The following UBXN7 variants were observed in gnomAD, a reference collection of about 807,000 sequenced individuals.
The protein encoded by UBXN7 is UBX domain-containing protein 7.
A neutral mutation model predicts 58.0 loss-of-function variants in UBXN7; 9 were observed. The ratio of observed to expected loss-of-function variants is 0.16; its 90% CI spans 0.09 to 0.27. UBXN7 has a LOEUF of 0.27. Among genes scored for constraint, UBXN7 ranks in the 10% least tolerant of loss-of-function variants. UBXN7 has a pLI of 1.00. For missense variants in UBXN7, 328 were observed against 599.6 expected, an observed-to-expected ratio of 0.55 and a Z score of 4.73; for synonymous variants, 208 against 205.0, an observed-to-expected ratio of 1.01 and a Z score of -0.12.
At chr3:196,432,302 A>G in intron 1 of UBXN7, 25 bp downstream of exon 1, 1 of 1,612,724 alleles carries the variant, frequency 6.2e-7, no homozygotes, top group Non-Finnish European at 8.5e-7. Context: ...CCCACTCTCC[A>G]CCTTCCGGTA....
intron 3 of UBXN7, among the ~76,000 whole-genome samples, chr3:196,395,228 C>T (rs1442255007): frequency 6.6e-6 from 1 of 152,134 alleles, no homozygotes; most frequent in Non-Finnish European, 1.5e-5. Context: ...CCCAATAACT[C>T]GTGTTTGTGA....
At position 196,350,208 on chromosome 3, in the gene UBXN7, C is replaced by T. The variant is rs1728179190; in HGVS notation, c.*6477G>A. On this transcript the variant is annotated 3_prime_UTR_variant, in exon 11 of 11. Transcript: ENST00000296328. The stretch of plus-strand genomic sequence containing the variant: ...TTAAAGTAGTTCAAATTGGATTGCC[C>T]AACTTTATTTTGAAATCAATAGCAA... 6.6e-6 allele frequency: 1 copy of T among 152,048 alleles called. No homozygotes were observed. The highest frequency in any genetic ancestry group is 1.5e-5 in the Non-Finnish European group (1 of 68,006). The allele number at this position is 152,048 out of a possible 1,614,324, so 9.4% of individuals were successfully genotyped here. A position where few individuals can be genotyped will look rare whatever the true frequency, so the allele number is the denominator to read the frequency against.
At position 196,351,821 on chromosome 3, in the gene UBXN7, A is replaced by C. The variant is rs1261487216; in HGVS notation, c.*4864T>G. On this transcript the variant is annotated 3_prime_UTR_variant, in exon 11 of 11. Transcript: ENST00000296328. ...CATTGGATTTGTACCTGGGTAGAGA[A>C]ATTAAATCTTTCCTTCATTTTTCGG... 1.3e-5 allele frequency: 2 copies of C among 152,194 alleles called. No individual in the cohort carries two copies. Among genetic ancestry groups the C allele is most frequent in the Non-Finnish European group, 2.9e-5 (2 of 68,034 alleles). The allele number at this position is 152,194 out of a possible 1,614,324, so 9.4% of individuals were successfully genotyped here.
At chr3:196,429,400 A>G (rs188940933) in intron 1 of UBXN7, among the ~76,000 whole-genome samples, 20 of 152,264 alleles carry the variant, frequency 1.3e-4, no homozygotes, top group African/African-American at 4.6e-4. Flanking sequence ...TCAGTAAGAA[A>G]TAAGACTTTT....
In UBXN7 at chr3:196,351,626, T is replaced by C. The variant is rs538717332; in HGVS notation, c.*5059A>G. 5.3e-5 allele frequency: 8 copies of C among 152,330 alleles called. No individual in the cohort carries two copies. The South Asian group carries it at 1.7e-3, about 32-fold the overall frequency. 9.4% of individuals were successfully genotyped at this position (152,330 alleles called of 1,614,324 possible). A position where few individuals can be genotyped will look rare whatever the true frequency, so the allele number is the denominator to read the frequency against. ...CTTCAGAGATAATCTAATTTGTTGT[T>C]CTAGAAAAGGCTGAGAACTATTAAT... On this transcript the variant is annotated 3_prime_UTR_variant, in exon 11 of 11. Coordinates refer to ENST00000296328, the MANE Select transcript of UBXN7 (RefSeq NM_015562.2).
chr3:196,356,968 T>C (rs1431098953), intron 10 of UBXN7, 122 bp from the exon 11 acceptor site: 7 of 1,284,012 alleles, frequency 5.5e-6, no homozygotes, highest in Non-Finnish European at 7.3e-6. Flanking sequence ...TGTAAGTTCT[T>C]CTTTCATATA....
At chr3:196,418,376 T>C (rs1313877723) in intron 1 of UBXN7, among the ~76,000 whole-genome samples, 1 of 152,184 alleles carries the variant, frequency 6.6e-6, no homozygotes, top group East Asian at 1.9e-4. Flanking sequence ...AAAGTGTGAA[T>C]ATATATAGCT....
chr3:196,365,432 T>TA (rs1346805044), intron 8 of UBXN7, among the ~76,000 whole-genome samples: 3 of 152,150 alleles, frequency 2.0e-5, no homozygotes, highest in Admixed American at 2.0e-4. Context: ...GACAGAGTCT[T>TA]ACTGTTGCCC....
At chr3:196,400,756 A>G (rs575052946) in intron 3 of UBXN7, 10 of 370,258 alleles carry the variant, frequency 2.7e-5, no homozygotes, top group South Asian at 1.8e-4. Flanking sequence ...GAAAAAAAAA[A>G]GAGTAAAGTG....
At chr3:196,403,103 A>G in intron 2 of UBXN7, 84 bp from the exon 3 acceptor site, 1 of 1,319,236 alleles carries the variant, frequency 7.6e-7, no homozygotes, top group African/African-American at 1.5e-5. Flanking sequence ...GAATATATTC[A>G]AATTAACGTA....
intron 5 of UBXN7, 54 bp from the exon 6 acceptor site, chr3:196,372,096 T>C (rs1728850095): frequency 4.6e-6 from 7 of 1,537,092 alleles, no homozygotes; most frequent in Non-Finnish European, 6.1e-6. Flanking sequence ...TAGTGACAGA[T>C]GTTTCCGTAG....
chr3:196,409,753 C>T (rs959706512), intron 1 of UBXN7, among the ~76,000 whole-genome samples: 1 of 152,060 alleles, frequency 6.6e-6, no homozygotes, highest in Non-Finnish European at 1.5e-5. Context: ...AGGGGAGGAG[C>T]CTTCTTTCAG....
At chr3:196,386,239 C>A (rs897405460) in intron 5 of UBXN7, among the ~76,000 whole-genome samples, 3 of 151,890 alleles carry the variant, frequency 2.0e-5, no homozygotes, top group South Asian at 2.1e-4. Context: ...ACAAACACTG[C>A]GGAAGGCAGC....
intron 3 of UBXN7, among the ~76,000 whole-genome samples, chr3:196,402,676 T>A (rs965231059): frequency 6.6e-6 from 1 of 152,166 alleles, no homozygotes; most frequent in East Asian, 1.9e-4. Context: ...AAAATAAAAA[T>A]AATCAGAATC....
At chr3:196,362,032 G>A in intron 9 of UBXN7, 109 bp from the exon 10 acceptor site, 1 of 1,172,134 alleles carries the variant, frequency 8.5e-7, no homozygotes, top group Non-Finnish European at 1.2e-6. Context: ...AATTACTCAA[G>A]TGTTTTGCTG....
At chr3:196,394,599 G>A (rs531697546) in intron 3 of UBXN7, among the ~76,000 whole-genome samples, 24 of 149,336 alleles carry the variant, frequency 1.6e-4, no homozygotes, top group African/African-American at 5.7e-4. Context: ...GTGAAACTCC[G>A]TCTCAAAAAA....
At chr3:196,398,925 G>C (rs1729862973) in intron 3 of UBXN7, among the ~76,000 whole-genome samples, 1 of 151,672 alleles carries the variant, frequency 6.6e-6, no homozygotes, top group Admixed American at 6.6e-5. Context: ...TCGGATTACA[G>C]GTGTGAGTCA....
At chr3:196,402,270 C>T (rs1730019315) in intron 3 of UBXN7, among the ~76,000 whole-genome samples, 1 of 152,208 alleles carries the variant, frequency 6.6e-6, no homozygotes, top group African/African-American at 2.4e-5. Context: ...ATCTGCCCAC[C>T]TCAGCCTCCC....
chr3:196,365,498 G>C (rs939681092), intron 8 of UBXN7, among the ~76,000 whole-genome samples: 1 of 151,988 alleles, frequency 6.6e-6, no homozygotes, highest in African/African-American at 2.4e-5. Context: ...CTACATTCCT[G>C]AACTCCTGGG....
Sources: gnomAD v4.1 joint callset for allele counts (sites outside exome capture counted in the v4.1 genomes callset) on GRCh38, gnomAD v4.1.1 for gene constraint, MANE v1.5 for transcripts, NCBI Gene and HGNC (gene_info 2026-07-23, HGNC 2026-07-21) for gene names.